OTOG: variants seen among roughly 807,000 people sequenced by gnomAD.
OTOG encodes otogelin.
A neutral mutation model predicts 313.8 loss-of-function variants in OTOG; 296 were observed. The observed-to-expected ratio is 0.94, with a 90% confidence interval of 0.86 to 1.04. The LOEUF (loss-of-function observed/expected upper bound fraction) is 1.04, where lower values mean the gene tolerates loss of function less well. Among genes scored for constraint, OTOG ranks in the 50% least tolerant of loss-of-function variants. The pLI is 0.00. For missense variants in OTOG, 3,948 were observed against 3,840.1 expected, an observed-to-expected ratio of 1.03 and a Z score of -0.74; for synonymous variants, 1,533 against 1,554.9, an observed-to-expected ratio of 0.99 and a Z score of 0.33.
intron 39 of OTOG, 22 bp downstream of exon 39, chr11:17,613,723 C>T: frequency 6.5e-7 from 1 of 1,545,064 alleles, no homozygotes; most frequent in South Asian, 1.2e-5. Context: ...AAACAGCCAG[C>T]CTCCAGGGCA....
intron 7 of OTOG, among the ~76,000 whole-genome samples, chr11:17,556,629 T>C (rs1047690194): frequency 6.6e-6 from 1 of 152,192 alleles, no homozygotes; most frequent in African/African-American, 2.4e-5. Flanking sequence ...TTGTGGCTAG[T>C]TAGACAGTAC....
chr11:17,552,398 C>T (rs1209260174), intron 4 of OTOG, among the ~76,000 whole-genome samples: 2 of 152,146 alleles, frequency 1.3e-5, no homozygotes, highest in Admixed American at 1.3e-4. Context: ...TGGCTTCTTT[C>T]TACTTTCTGT....
At chr11:17,645,480 A>G (rs1361807941) in intron 54 of OTOG, 84 bp from the exon 55 acceptor site, 2 of 1,296,316 alleles carry the variant, frequency 1.5e-6, no homozygotes, top group South Asian at 1.4e-5. Context: ...CCAGCATGAC[A>G]CTAACTGCCC....
intron 6 of OTOG, among the ~76,000 whole-genome samples, chr11:17,554,258 A>G (rs949764947): frequency 7.2e-5 from 11 of 152,120 alleles, no homozygotes; most frequent in African/African-American, 2.7e-4. Context: ...CCATATTATG[A>G]CGCTGTCATT....
chr11:17,634,922 A>G lies in OTOG; in HGVS notation c.7559A>G (p.Asp2520Gly). ...GHRLLTHFQE[D>G]SCCPSYSCEC... Reference sequence around the variant, plus strand: ...CGCCTCCTCACCCACTTCCAGGAGGACTCCTGCTGCCCCAGCTACAGCTGT... The same window carrying G: ...CGCCTCCTCACCCACTTCCAGGAGGGCTCCTGCTGCCCCAGCTACAGCTGT... The change falls in exon 45 of 56, where the codon GAC becomes GGC. Residue 2520 changes from aspartate (D) to glycine (G), a missense_variant. Asp to Gly is a moderately conservative substitution (Grantham distance 94, BLOSUM62 -1). Transcript: ENST00000399397. The G allele has an allele frequency of 6.9e-7, 1 of 1,444,164 alleles. No homozygotes were observed. The highest frequency in any genetic ancestry group is 1.2e-5 in the South Asian group (1 of 82,124). The allele number at this position is 1,444,164 out of a possible 1,614,324, so 89.5% of individuals were successfully genotyped here.
At chr11:17,592,410 TA>T (rs1183783286) in intron 25 of OTOG, among the ~76,000 whole-genome samples, 1 of 152,230 alleles carries the variant, frequency 6.6e-6, no homozygotes, top group Non-Finnish European at 1.5e-5. Flanking sequence ...TCATTTTATT[TA>T]AAAAGTTTTA....
intron 33 of OTOG, among the ~76,000 whole-genome samples, chr11:17,607,732 C>T (rs982330116): frequency 1.3e-5 from 2 of 152,232 alleles, no homozygotes; most frequent in Admixed American, 6.5e-5. Flanking sequence ...TAACACCTCC[C>T]TTGCAAGCTC....
chr11:17,641,980 G>A (rs1024788253), intron 52 of OTOG, 29 bp downstream of exon 52: 17 of 1,545,660 alleles, frequency 1.1e-5, no homozygotes, highest in Non-Finnish European at 1.4e-5. Context: ...GCCCACTTAG[G>A]AGGGTGTCCC....
intron 7 of OTOG, among the ~76,000 whole-genome samples, 195 bp from the exon 8 acceptor site, chr11:17,556,923 T>A (rs1852068051): frequency 6.6e-6 from 1 of 152,152 alleles, no homozygotes; most frequent in Non-Finnish European, 1.5e-5. Context: ...GAAATTGCCG[T>A]CTTAAAAAAT....
chr11:17,561,086 T>C lies in OTOG; in HGVS notation c.1452-5T>C. 3 of 1,550,564 alleles carry C rather than the reference T, an allele frequency of 1.9e-6. No homozygotes were observed. Among genetic ancestry groups the C allele is most frequent in the Non-Finnish European group, 2.6e-6 (3 of 1,146,962 alleles). On this transcript the variant is annotated splice_polypyrimidine_tract_variant and splice_region_variant and intron_variant, in intron 13 of 55. Transcript: ENST00000399397. ...CCTCTTGCCTCCTTGGTCTCTGTGT[T>C]TTAGCACATGCACCTCAGGCAAGTG...
chr11:17,635,210 C>T, intron 46 of OTOG, 23 bp downstream of exon 46: 1 of 1,516,614 alleles, frequency 6.6e-7, no homozygotes, highest in Non-Finnish European at 8.9e-7. Context: ...CACCAGACGC[C>T]AGCGCACACA....
chr11:17,602,314 G>T lies in OTOG; in HGVS notation c.3814G>T (p.Val1272Leu). The T allele has an allele frequency of 6.4e-7, 1 of 1,550,626 alleles. No homozygotes were observed. Among genetic ancestry groups the T allele is most frequent in the South Asian group, 1.2e-5 (1 of 84,064 alleles). The change falls in exon 32 of 56, where the codon GTG becomes TTG. Residue 1272 changes from valine (V) to leucine (L), a missense_variant. Transcript: ENST00000399397. Reference protein sequence around the residue: ...DDIVLVRTEDVAPADIVSFLL... With the variant: ...DDIVLVRTEDLAPADIVSFLL... ...CATAGTCCTAGTGAGGACAGAGGAT[G>T]TGGCGCCAGCAGACATTGTGAGCTT...
intron 41 of OTOG, 31 bp downstream of exon 41, chr11:17,631,953 C>T (rs1854138601): frequency 6.5e-7 from 1 of 1,546,680 alleles, no homozygotes; most frequent in Non-Finnish European, 8.7e-7. Context: ...GCACTGGGGA[C>T]ACCTCCTGGG....
Position 17,557,147 on chromosome 11 carries a change from C to T in OTOG, c.689C>T (p.Ala230Val), listed in dbSNP as rs543585267. The T allele has an allele frequency of 1.9e-5, 30 of 1,550,428 alleles. No homozygotes were observed. The Middle Eastern group carries it at 5.0e-4, about 26-fold the overall frequency. Reference protein sequence around the residue: ...RVQLPHVMGSARLQQLAGYVI... With the variant: ...RVQLPHVMGSVRLQQLAGYVI... ...CAACTGCCACATGTCATGGGGAGCGCGCGTCTGCAGCAGCTTGCCGGCTAT... is the reference window on the plus strand; with the variant it reads ...CAACTGCCACATGTCATGGGGAGCGTGCGTCTGCAGCAGCTTGCCGGCTAT... Residue 230 changes from alanine (A) to valine (V), a missense_variant, in exon 8 of 56, where the codon GCG (alanine) becomes GTG (valine). Ala to Val is a moderately conservative substitution (Grantham distance 64). Coordinates refer to ENST00000399397, the MANE Select transcript of OTOG (RefSeq NM_001292063.2).
chr11:17,636,226 G>A (rs898276307), intron 47 of OTOG, among the ~76,000 whole-genome samples: 1 of 152,112 alleles, frequency 6.6e-6, no homozygotes. Flanking sequence ...GTATATACAT[G>A]TAGACATGTA....
chr11:17,573,291 G>C lies in OTOG; in HGVS notation c.2293+1G>C. On this transcript the variant is annotated splice_donor_variant, in intron 19 of 55. Coordinates refer to ENST00000399397, the MANE Select transcript of OTOG (RefSeq NM_001292063.2). LOFTEE classifies it high-confidence loss of function. ...TTCCGCGCCCGCCTGCCAGCCTGTG[G>C]TGAGTGCCCCACCCATGTGAGGCTG... 2 of 1,523,162 alleles carry C rather than the reference G, an allele frequency of 1.3e-6. No homozygotes were observed. Among genetic ancestry groups the C allele is most frequent in the Non-Finnish European group, 1.8e-6 (2 of 1,138,788 alleles). The allele number at this position is 1,523,162 out of a possible 1,614,324, so 94.4% of individuals were successfully genotyped here.
chr11:17,593,204 T>A lies in OTOG; in HGVS notation c.3018T>A (p.Asp1006Glu). Residue 1006 changes from aspartate (D) to glutamate (E), a missense_variant, in exon 26 of 56, where the codon GAT becomes GAA. By Grantham distance (45) the Asp-to-Glu change is conservative. Transcript: ENST00000399397. Reference protein sequence around the residue: ...CKVHLVKSTSDVSFSVIVENV... With the variant: ...CKVHLVKSTSEVSFSVIVENV... ...TATTCTCTCCTCAGAGCACATCAGA[T>A]GTCAGCTTCTCTGTGATTGTAGAGA... The A allele has an allele frequency of 6.5e-7, 1 of 1,550,282 alleles. No individual in the cohort carries two copies. The highest frequency in any genetic ancestry group is 8.7e-7 in the Non-Finnish European group (1 of 1,146,662).
In OTOG at chr11:17,645,569, G is replaced by A. The variant is rs992743507; in HGVS notation, c.8467G>A (p.Glu2823Lys). ...TCATCCCCCTGTCCCCCCAGGTAAG[G>A]AGGATGGGCGCTCCTGCAAGAAGGT... is the stretch of plus-strand genomic sequence containing the variant. ...SLEGCCRTCK[E>K]DGRSCKKVTI... The change falls in exon 55 of 56, where the codon GAG (glutamate) becomes AAG (lysine). Residue 2823 changes from glutamate (E) to lysine (K), a missense_variant. Glu to Lys is a moderately conservative substitution (Grantham distance 56, BLOSUM62 1). Transcript: ENST00000399397. 1.5e-5 allele frequency: 23 copies of A among 1,550,460 alleles called. No individual in the cohort carries two copies. Among genetic ancestry groups the A allele is most frequent in the Non-Finnish European group, 2.0e-5 (23 of 1,146,982 alleles).
intron 18 of OTOG, 53 bp from the exon 19 acceptor site, chr11:17,573,025 C>T: frequency 6.9e-7 from 1 of 1,448,970 alleles, no homozygotes; most frequent in Non-Finnish European, 9.3e-7. Context: ...GATCCTGGGA[C>T]ACCAGGTAGA....
Sources: allele counts gnomAD v4.1 joint callset (sites outside exome capture counted in the v4.1 genomes callset), GRCh38; gene constraint gnomAD v4.1.1; transcripts MANE v1.5; gene names NCBI Gene and HGNC (gene_info 2026-07-23, HGNC 2026-07-21).